The following PPARGC1B variants were observed in gnomAD, a reference collection of about 807,000 sequenced individuals.
The protein encoded by PPARGC1B is peroxisome proliferator-activated receptor gamma coactivator 1-beta.
PPARGC1B carries 34 observed loss-of-function variants against 101.6 expected under a neutral mutation model. The ratio of observed to expected loss-of-function variants is 0.33; its 90% CI spans 0.25 to 0.45. The LOEUF (loss-of-function observed/expected upper bound fraction) is 0.45. Ranked by LOEUF, PPARGC1B falls within the 20% of genes least tolerant of loss-of-function variation. PPARGC1B has a pLI of 1.00. For synonymous variants in PPARGC1B, 548 were observed against 539.3 expected, an observed-to-expected ratio of 1.02 and a Z score of -0.22; for missense variants, 1,234 against 1,317.6, an observed-to-expected ratio of 0.94 and a Z score of 0.98.
At chr5:149,738,628 C>T (rs547004440) in intron 1 of PPARGC1B, among the ~76,000 whole-genome samples, 44 of 150,532 alleles carry the variant, frequency 2.9e-4, no homozygotes, top group African/African-American at 9.5e-4. Context: ...TTTGAGATGG[C>T]GTCTCACTCT....
intron 10 of PPARGC1B, among the ~76,000 whole-genome samples, chr5:149,843,003 A>G (rs779544530): frequency 9.9e-5 from 15 of 152,164 alleles, no homozygotes; most frequent in Non-Finnish European, 4.4e-5. Flanking sequence ...CCCCGTCTCT[A>G]CTGAAAATTT....
intron 1 of PPARGC1B, among the ~76,000 whole-genome samples, chr5:149,795,593 C>CGA (rs1014159862): frequency 6.6e-6 from 1 of 152,152 alleles, no homozygotes; most frequent in Admixed American, 6.5e-5. Flanking sequence ...AAATGCAAAT[C>CGA]TGAGTACAGG....
chr5:149,793,911 A>G (rs924804884), intron 1 of PPARGC1B, among the ~76,000 whole-genome samples: 4 of 152,186 alleles, frequency 2.6e-5, no homozygotes, highest in Admixed American at 6.5e-5. Context: ...GTGTGTTACT[A>G]TTATTCCAGG....
chr5:149,835,450 C>A, intron 7 of PPARGC1B, 85 bp downstream of exon 7: 2 of 1,232,782 alleles, frequency 1.6e-6, no homozygotes, highest in Admixed American at 1.8e-5. Flanking sequence ...GGGCAAGGTG[C>A]CACGCAATGA....
chr5:149,760,227 G>A (rs1333236710), intron 1 of PPARGC1B, among the ~76,000 whole-genome samples: 4 of 152,226 alleles, frequency 2.6e-5, no homozygotes, highest in Non-Finnish European at 4.4e-5. Context: ...GAGGGGCAGA[G>A]AGCACTGTGG....
chr5:149,845,770 T>C lies in PPARGC1B; in HGVS notation c.2827T>C (p.Tyr943His), dbSNP rs1263867071. ...GCTCCCTCCCCGCAGAGGCGAGAAG[T>C]ACGGCTTCATCACCTACCGGTGTTC... ...VLTRNRRGEK[Y>H]GFITYRCSEH... Residue 943 changes from tyrosine to histidine, a missense_variant, in exon 11 of 12, where the codon TAC (tyrosine) becomes CAC (histidine). Tyr to His is a moderately conservative substitution (Grantham distance 83). Transcript: ENST00000309241. 2.5e-6 allele frequency: 4 copies of C among 1,610,990 alleles called. No individual in the cohort carries two copies. Among genetic ancestry groups the C allele is most frequent in the Non-Finnish European group, 3.4e-6 (4 of 1,177,628 alleles).
Position 149,836,711 on chromosome 5 carries a change from C to G in PPARGC1B, c.2256C>G (p.Ser752Arg). The stretch of plus-strand genomic sequence containing the variant: ...ATGCTGGCGCCCCACCCAAGGACAG[C>G]ACGCTGCTGAGAGACCATGAGATCC... Reference protein sequence around the residue: ...SCDAGAPPKDSTLLRDHEIRA... With the variant: ...SCDAGAPPKDRTLLRDHEIRA... The change falls in exon 8 of 12, where the codon AGC (serine) becomes AGG (arginine). Residue 752 changes from serine (S) to arginine (R), a missense_variant. By Grantham distance (110) the Ser-to-Arg change is moderately radical. This residue lies in a region of PPARGC1B where 497 missense variants were observed against 529.5 expected (regional missense o/e 0.94). Coordinates refer to ENST00000309241, the MANE Select transcript of PPARGC1B (RefSeq NM_133263.4). 6.2e-7 allele frequency: 1 copy of G among 1,613,730 alleles called. No individual in the cohort carries two copies. The highest frequency in any genetic ancestry group is 8.5e-7 in the Non-Finnish European group (1 of 1,180,016).
At chr5:149,846,369 C>A (rs566927325) in intron 11 of PPARGC1B, 19 of 224,528 alleles carry the variant, frequency 8.5e-5, no homozygotes, top group African/African-American at 3.6e-4. Context: ...CTCAGTGGCT[C>A]ATGCCTGTAA....
intron 1 of PPARGC1B, among the ~76,000 whole-genome samples, chr5:149,742,363 C>A (rs180859025): frequency 6.6e-5 from 10 of 152,170 alleles, no homozygotes; most frequent in Non-Finnish European, 1.5e-4. Flanking sequence ...TCAGAACTGG[C>A]CCTTTTTGCT....
chr5:149,788,577 T>G (rs2113247819), intron 1 of PPARGC1B, among the ~76,000 whole-genome samples: 1 of 152,332 alleles, frequency 6.6e-6, no homozygotes, highest in African/African-American at 2.4e-5. Flanking sequence ...CATTACTGGA[T>G]ATATGCCCAA....
At chr5:149,857,934 A>G (rs1043096789), downstream of PPARGC1B, 1 of 152,246 alleles carries the variant, frequency 6.6e-6, no homozygotes, top group African/African-American at 2.4e-5. Context: ...CATAACATTC[A>G]GTGTGGAAGG....
At chr5:149,769,311 A>G (rs577245093) in intron 1 of PPARGC1B, among the ~76,000 whole-genome samples, 3 of 152,274 alleles carry the variant, frequency 2.0e-5, no homozygotes, top group African/African-American at 4.8e-5. Flanking sequence ...CCCGGTTCCT[A>G]ACAGGCCACG....
At chr5:149,802,477 T>C (rs1757461853) in intron 1 of PPARGC1B, among the ~76,000 whole-genome samples, 1 of 151,848 alleles carries the variant, frequency 6.6e-6, no homozygotes, top group East Asian at 1.9e-4. Flanking sequence ...TGTGGCCCCA[T>C]GGGGGTCTTT....
chr5:149,852,104 C>CT lies in PPARGC1B; in HGVS notation c.*4550dup, dbSNP rs1759790136. ...GTGCTGGGGCCAACCCTTTGCTGGCCTTTTGTTGGAAGCCCTTGAAACAGG... is the reference window on the plus strand; with the variant it reads ...GTGCTGGGGCCAACCCTTTGCTGGCCTTTTTGTTGGAAGCCCTTGAAACAGG... On this transcript the variant is annotated 3_prime_UTR_variant, in exon 12 of 12. Coordinates refer to ENST00000309241, the MANE Select transcript of PPARGC1B (RefSeq NM_133263.4). The CT allele has an allele frequency of 6.6e-6, 1 of 152,268 alleles. No individual in the cohort carries two copies. The highest frequency in any genetic ancestry group is 2.1e-4 in the South Asian group (1 of 4,828). 9.4% of individuals were successfully genotyped at this position (152,268 alleles called of 1,614,324 possible). A position where few individuals can be genotyped will look rare whatever the true frequency, so the allele number is the denominator to read the frequency against.
chr5:149,802,412 C>T (rs544042376), intron 1 of PPARGC1B, among the ~76,000 whole-genome samples: 1 of 152,086 alleles, frequency 6.6e-6, no homozygotes, highest in African/African-American at 2.4e-5. Flanking sequence ...TATTTTTCTT[C>T]TTGACTTCCT....
At chr5:149,732,077 T>TGC (rs1491054482) in intron 1 of PPARGC1B, among the ~76,000 whole-genome samples, 6 of 134,288 alleles carry the variant, frequency 4.5e-5, no homozygotes, top group Admixed American at 1.5e-4. Flanking sequence ...TGTGTGTGTG[T>TGC]GCACACGCCG....
intron 8 of PPARGC1B, among the ~76,000 whole-genome samples, chr5:149,838,142 T>G (rs1333760959): frequency 6.6e-6 from 1 of 152,160 alleles, no homozygotes; most frequent in Admixed American, 6.5e-5. Flanking sequence ...TTAAATAAAA[T>G]GTAAAAAGAC....
rs2113471381 is a variant in PPARGC1B, at chr5:149,853,877, C to T, written c.*6319C>T. ...CTGGGGAAGATGACCATCCAGAAGT[C>T]CAGCTTAGTGCAGTCTGCTCTGGAA... On this transcript the variant is annotated 3_prime_UTR_variant, in exon 12 of 12. Transcript: ENST00000309241. This position sits in a 1 kb window ranked among gnomAD's most constrained non-coding sequence, Gnocchi z 4.2. 1 of 152,278 alleles carries T rather than the reference C, an allele frequency of 6.6e-6. No individual in the cohort carries two copies. The highest frequency in any genetic ancestry group is 2.1e-4 in the South Asian group (1 of 4,820). The allele number at this position is 152,278 out of a possible 1,614,324, so 9.4% of individuals were successfully genotyped here. A position where few individuals can be genotyped will look rare whatever the true frequency, so the allele number is the denominator to read the frequency against.
At chr5:149,742,172 T>C (rs1754933677) in intron 1 of PPARGC1B, among the ~76,000 whole-genome samples, 1 of 152,200 alleles carries the variant, frequency 6.6e-6, no homozygotes, top group Non-Finnish European at 1.5e-5. Flanking sequence ...ATTTTACAGT[T>C]GGGTAGACCT....
Sources: allele counts gnomAD v4.1 joint callset (sites outside exome capture counted in the v4.1 genomes callset), GRCh38; gene constraint gnomAD v4.1.1; regional missense constraint gnomAD v4.1.1; non-coding constraint Gnocchi (gnomAD v3.1); transcripts MANE v1.5; gene names NCBI Gene and HGNC (gene_info 2026-07-23, HGNC 2026-07-21).